ZNF608: variants seen among roughly 807,000 people sequenced by gnomAD.
ZNF608 encodes zinc finger protein 608, also known as renal carcinoma antigen NY-REN-36.
ZNF608 carries 12 observed loss-of-function variants against 109.0 expected under a neutral mutation model. The ratio of observed to expected loss-of-function variants is 0.11; its 90% CI spans 0.07 to 0.18. The LOEUF is 0.18. ZNF608 is among the 10% of genes least tolerant of loss of function. The pLI, the probability that ZNF608 is intolerant of heterozygous loss-of-function variation, is 1.00. For missense variants in ZNF608, 1,707 were observed against 1,879.3 expected (o/e 0.91, Z 1.70); for synonymous variants, 732 against 717.4 (o/e 1.02, Z -0.33).
At chr5:124,706,245 G>A (rs1023417459) in intron 2 of ZNF608, among the ~76,000 whole-genome samples, 15 of 152,202 alleles carry the variant, frequency 9.9e-5, no homozygotes, top group African/African-American at 3.6e-4. Flanking sequence ...TGGGGAATCA[G>A]TGCCTTCATC....
chr5:124,743,526 TCACAG>T (rs1479006118), intron 2 of ZNF608, among the ~76,000 whole-genome samples: 1 of 152,176 alleles, frequency 6.6e-6, no homozygotes, highest in Non-Finnish European at 1.5e-5. Context: ...GGATATCCTT[TCACAG>T]TACTATTTTG....
At chr5:124,704,516 A>C (rs1281244270) in intron 2 of ZNF608, among the ~76,000 whole-genome samples, 3 of 152,204 alleles carry the variant, frequency 2.0e-5, no homozygotes, top group Non-Finnish European at 4.4e-5. Context: ...CAGGATTTGC[A>C]GGTGGGGATT....
chr5:124,739,318 T>C (rs1185709995), intron 2 of ZNF608, among the ~76,000 whole-genome samples: 1 of 152,214 alleles, frequency 6.6e-6, no homozygotes, highest in Non-Finnish European at 1.5e-5. Context: ...AAAGTTACCC[T>C]TCCTTAAAAG....
At chr5:124,741,350 C>A (rs192616858) in intron 2 of ZNF608, among the ~76,000 whole-genome samples, 3 of 141,404 alleles carry the variant, frequency 2.1e-5, no homozygotes, top group Non-Finnish European at 4.5e-5. Context: ...GAAAATTAAC[C>A]GGTGACAGCA....
At chr5:124,747,387 G>C (rs1202265470), upstream of ZNF608, among the ~76,000 whole-genome samples, 1 of 151,802 alleles carries the variant, frequency 6.6e-6, no homozygotes, top group Non-Finnish European at 1.5e-5. Context: ...TGGAAGTGGA[G>C]AGTCGCTTTG....
intron 3 of ZNF608, among the ~76,000 whole-genome samples, chr5:124,697,276 G>C (rs1400360141): frequency 6.8e-6 from 1 of 147,318 alleles, no homozygotes. Flanking sequence ...AAATCAAAAG[G>C]AAACACATTC....
chr5:124,679,737 G>C (rs1752115981), intron 3 of ZNF608, among the ~76,000 whole-genome samples: 1 of 152,220 alleles, frequency 6.6e-6, no homozygotes. Context: ...TAAGATAGCA[G>C]AGTGCTTTGG....
At chr5:124,735,916 G>A (rs1749120206) in intron 2 of ZNF608, among the ~76,000 whole-genome samples, 1 of 152,058 alleles carries the variant, frequency 6.6e-6, no homozygotes, top group African/African-American at 2.4e-5. Flanking sequence ...TACTGAAGAT[G>A]TCAAACGATA....
intron 2 of ZNF608, among the ~76,000 whole-genome samples, chr5:124,714,912 C>G (rs1479984381): frequency 6.6e-6 from 1 of 152,104 alleles, no homozygotes; most frequent in East Asian, 1.9e-4. Flanking sequence ...TCTTTAGAAC[C>G]AACTACATAG....
Position 124,680,734 on chromosome 5 carries a change from C to T in ZNF608, c.1162+20280G>A, listed in dbSNP as rs114298437. Among the ~76,000 whole-genome samples the T allele has an allele frequency of 8.2e-3, 1,255 of 152,138 alleles. 17 individuals carry two copies. Among genetic ancestry groups the T allele is most frequent in the African/African-American group, 0.029 (1,192 of 41,480 alleles). ...AAACTTAGACGAATTAAAAGCAATG[C>T]TGACAATAAAAAGAAGAAATTAGAA... On this transcript the variant is annotated intron_variant, in intron 3 of 9. Coordinates refer to ENST00000513986, the MANE Select transcript of ZNF608 (RefSeq NM_020747.3).
At chr5:124,701,329 A>G in intron 2 of ZNF608, 60 bp from the exon 3 acceptor site, 1 of 1,579,722 alleles carries the variant, frequency 6.3e-7, no homozygotes, top group Non-Finnish European at 8.6e-7. Flanking sequence ...TTTTAATGCA[A>G]TTTGCTTATA....
At chr5:124,742,192 G>A (rs1011277084) in intron 2 of ZNF608, among the ~76,000 whole-genome samples, 2 of 152,156 alleles carry the variant, frequency 1.3e-5, no homozygotes, top group African/African-American at 4.8e-5. Flanking sequence ...AAAGTGAAAA[G>A]AACACACAAA....
At chr5:124,689,946 AATAATTGCCAACCTTGGAAGTTACCAAG>A (rs1752548139) in intron 3 of ZNF608, among the ~76,000 whole-genome samples, 1 of 152,240 alleles carries the variant, frequency 6.6e-6, no homozygotes, top group Non-Finnish European at 1.5e-5. Context: ...CAGCTTTATT[AATAATTGCCAACCTTGGAAGTTACCAAG>A]ATGTCTTTCA....
At chr5:124,681,654 C>T (rs573564852) in intron 3 of ZNF608, among the ~76,000 whole-genome samples, 1 of 152,252 alleles carries the variant, frequency 6.6e-6, no homozygotes, top group Admixed American at 6.5e-5. Flanking sequence ...AAGCCTGAGG[C>T]AGGACGATCC....
chr5:124,695,149 G>T (rs1311813146), intron 3 of ZNF608, among the ~76,000 whole-genome samples: 1 of 152,090 alleles, frequency 6.6e-6, no homozygotes, highest in Non-Finnish European at 1.5e-5. Flanking sequence ...CCCCATTACT[G>T]CACTGTTATA....
chr5:124,683,594 C>T (rs889151190), intron 3 of ZNF608, among the ~76,000 whole-genome samples: 2 of 152,110 alleles, frequency 1.3e-5, no homozygotes, highest in Non-Finnish European at 2.9e-5. Flanking sequence ...TGAGTTGCTT[C>T]CGGAAAGTAG....
intron 3 of ZNF608, among the ~76,000 whole-genome samples, chr5:124,665,189 A>C (rs1751428768): frequency 6.6e-6 from 1 of 152,124 alleles, no homozygotes; most frequent in Non-Finnish European, 1.5e-5. Flanking sequence ...CCAAAAAAAA[A>C]AAAAAATACC....
chr5:124,647,488 A>T lies in ZNF608; in HGVS notation c.2896T>A (p.Ser966Thr), dbSNP rs1750573722. The T allele has an allele frequency of 6.2e-7, 1 of 1,614,052 alleles. No homozygotes were observed. Among genetic ancestry groups the T allele is most frequent in the East Asian group, 2.2e-5 (1 of 44,896 alleles). Reference protein sequence around the residue: ...EGMRSKASSPSDIISSKDSVV... With the variant: ...EGMRSKASSPTDIISSKDSVV... ...CTGTCCTTACTAGAAATAATATCTG[A>T]TGGGGAACTGGCCTTTGATCTCATA... The change falls in exon 5 of 10, where the codon TCA (serine) becomes ACA (threonine). Residue 966 changes from serine (S) to threonine (T), a missense_variant. Around this residue, in one of 7 missense-constraint regions of ZNF608, gnomAD observed 1,073 missense variants for 1,133.5 expected, o/e 0.95. Transcript: ENST00000513986.
At chr5:124,716,948 G>A (rs2149874323) in intron 2 of ZNF608, among the ~76,000 whole-genome samples, 1 of 151,900 alleles carries the variant, frequency 6.6e-6, no homozygotes, top group East Asian at 1.9e-4. Flanking sequence ...GGGCCATGGT[G>A]GTGCATGCCT....
Sources: allele counts gnomAD v4.1 joint callset (sites outside exome capture counted in the v4.1 genomes callset), GRCh38; gene constraint gnomAD v4.1.1; regional missense constraint gnomAD v4.1.1; transcripts MANE v1.5; gene names NCBI Gene and HGNC (gene_info 2026-07-23, HGNC 2026-07-21).